PCDH15: variants seen among roughly 807,000 people sequenced by gnomAD.
PCDH15 encodes the protein protocadherin-15.
In PCDH15, 129 loss-of-function variants were observed where a neutral mutation model predicts 178.5. The ratio of observed to expected loss-of-function variants is 0.72; its 90% CI spans 0.63 to 0.84. PCDH15 has a LOEUF of 0.84. Ranked by LOEUF, PCDH15 falls within the 40% of genes least tolerant of loss-of-function variation. The pLI, the probability that PCDH15 is intolerant of heterozygous loss-of-function variation, is 0.00. For missense variants in PCDH15, 2,230 were observed against 2,099.9 expected (o/e 1.06, Z -1.21); for synonymous variants, 800 against 732.0 (o/e 1.09, Z -1.50).
chr10:54,175,562 A>C (rs948858565), intron 13 of PCDH15, among the ~76,000 whole-genome samples: 1 of 152,190 alleles, frequency 6.6e-6, no homozygotes, highest in Non-Finnish European at 1.5e-5. Flanking sequence ...TAGTTAGTTT[A>C]ATAATCACAA....
At chr10:55,016,957 T>TA (rs936401523) in intron 2 of PCDH15, among the ~76,000 whole-genome samples, 3 of 80,474 alleles carry the variant, frequency 3.7e-5, no homozygotes, top group Non-Finnish European at 5.8e-5. Flanking sequence ...ATAAAGCAGT[T>TA]ACACTCACAC....
chr10:55,114,901 G>A (rs919031695), intron 2 of PCDH15, among the ~76,000 whole-genome samples: 2 of 152,042 alleles, frequency 1.3e-5, no homozygotes, highest in South Asian at 4.1e-4. Context: ...ATAACTGATA[G>A]ATCCCATAAA....
chr10:55,423,336 T>C (rs1838670956), intron 2 of PCDH15, among the ~76,000 whole-genome samples: 1 of 151,998 alleles, frequency 6.6e-6, no homozygotes, highest in African/African-American at 2.4e-5. Context: ...GTATCAGATA[T>C]AGTTGTATGC....
At chr10:54,289,324 A>G (rs530518349) in intron 8 of PCDH15, among the ~76,000 whole-genome samples, 1 of 152,242 alleles carries the variant, frequency 6.6e-6, no homozygotes, top group Admixed American at 6.5e-5. Flanking sequence ...CATCAACATC[A>G]ACAAAGCAGA....
At chr10:54,090,645 A>C (rs77812826) in intron 15 of PCDH15, among the ~76,000 whole-genome samples, 1 of 11,660 alleles carries the variant, frequency 8.6e-5, no homozygotes, top group African/African-American at 1.0e-3. Flanking sequence ...TCTTGTCTCA[A>C]AAAAAAAAAA....
At chr10:55,544,678 G>A (rs1027890520) in intron 2 of PCDH15, among the ~76,000 whole-genome samples, 1 of 152,030 alleles carries the variant, frequency 6.6e-6, no homozygotes, top group Non-Finnish European at 1.5e-5. Context: ...CAATAAAGGG[G>A]AAAATCTGCG....
At position 55,156,524 on chromosome 10, in the gene PCDH15, C is replaced by G. The variant is rs181984221; in HGVS notation, c.-80+10052G>C. 8.1e-4 allele frequency among the ~76,000 whole-genome samples: 124 copies of G among 152,214 alleles called. No individual in the cohort carries two copies. The South Asian group carries it at 0.019, about 23-fold the overall frequency. ...CATGAGGACAAATTTATTTTATTCA[C>G]TCATGGGAGAATCTGTCTTTATGCT... On this transcript the variant is annotated intron_variant, in intron 2 of 5. Coordinates refer to the PCDH15 transcript ENST00000458638.
At position 53,961,739 on chromosome 10, in the gene PCDH15, A is replaced by G. The variant is rs779259783; in HGVS notation, c.3009+13T>C. ...AACATCAAATAGACCACATAATGAA[A>G]AGAGACACTGACCTTAAAAATTGTT... On this transcript the variant is annotated intron_variant, in intron 22 of 37. Transcript: ENST00000644397. 1 of 1,595,586 alleles carries G rather than the reference A, an allele frequency of 6.3e-7. No individual in the cohort carries two copies. The highest frequency in any genetic ancestry group is 1.7e-5 in the Admixed American group (1 of 58,756).
chr10:54,854,563 G>T (rs114907005), intron 3 of PCDH15, among the ~76,000 whole-genome samples: 1 of 152,122 alleles, frequency 6.6e-6, no homozygotes, highest in African/African-American at 2.4e-5. Flanking sequence ...TGAGTGTTCA[G>T]CTCCTAGGAG....
chr10:54,276,389 A>C (rs1180193714), intron 8 of PCDH15, among the ~76,000 whole-genome samples: 1 of 151,760 alleles, frequency 6.6e-6, no homozygotes, highest in African/African-American at 2.4e-5. Flanking sequence ...AAATATTATA[A>C]GAGAATGTTG....
At chr10:53,923,412 A>C (rs1323889449) in intron 25 of PCDH15, among the ~76,000 whole-genome samples, 1 of 152,234 alleles carries the variant, frequency 6.6e-6, no homozygotes. Flanking sequence ...ATAATGATTA[A>C]AAAGAATGAC....
At chr10:54,511,090 T>A (rs1276649683) in intron 3 of PCDH15, among the ~76,000 whole-genome samples, 1 of 152,178 alleles carries the variant, frequency 6.6e-6, no homozygotes, top group Non-Finnish European at 1.5e-5. Context: ...TAAACGTGAT[T>A]TAAAATGGAA....
intron 1 of PCDH15, among the ~76,000 whole-genome samples, chr10:54,764,780 C>T (rs1591516660): frequency 6.6e-6 from 1 of 152,010 alleles, no homozygotes; most frequent in African/African-American, 2.4e-5. Flanking sequence ...ATGAATAGTT[C>T]CATGCAAGCA....
intron 15 of PCDH15, among the ~76,000 whole-genome samples, chr10:54,095,093 C>A (rs2094676871): frequency 6.6e-6 from 1 of 152,114 alleles, no homozygotes; most frequent in Admixed American, 6.6e-5. Context: ...AAAGTAACTG[C>A]CCTTAGGGAT....
At chr10:54,136,749 A>C (rs2042940865) in intron 14 of PCDH15, among the ~76,000 whole-genome samples, 1 of 152,208 alleles carries the variant, frequency 6.6e-6, no homozygotes, top group African/African-American at 2.4e-5. Flanking sequence ...CTCTAGTCTC[A>C]GACAAAACAC....
At chr10:55,127,624 C>T (rs189653489) in intron 2 of PCDH15, among the ~76,000 whole-genome samples, 1 of 152,000 alleles carries the variant, frequency 6.6e-6, no homozygotes, top group African/African-American at 2.4e-5. Flanking sequence ...ATCCTATGTT[C>T]GATCCCAAAG....
upstream of PCDH15, among the ~76,000 whole-genome samples, chr10:55,323,202 C>T (rs116319305): frequency 3.9e-4 from 59 of 152,254 alleles, no homozygotes; most frequent in African/African-American, 1.2e-3. Context: ...AGAGGACGTA[C>T]GGAAATGCTT....
intron 2 of PCDH15, among the ~76,000 whole-genome samples, chr10:55,344,565 G>A (rs1189128534): frequency 6.6e-6 from 1 of 152,086 alleles, no homozygotes; most frequent in African/African-American, 2.4e-5. Flanking sequence ...TTATCCAAAA[G>A]AGACTGTTGG....
At chr10:55,278,050 C>T (rs1380792828) in intron 1 of PCDH15, among the ~76,000 whole-genome samples, 1 of 152,014 alleles carries the variant, frequency 6.6e-6, no homozygotes, top group Non-Finnish European at 1.5e-5. Flanking sequence ...TGGTACTTGT[C>T]TGAATGGACA....
Sources: gnomAD v4.1 joint callset for allele counts (sites outside exome capture counted in the v4.1 genomes callset) on GRCh38, gnomAD v4.1.1 for gene constraint, MANE v1.5 for transcripts, NCBI Gene and HGNC (gene_info 2026-07-23, HGNC 2026-07-21) for gene names.